CNTN4: variants seen among roughly 807,000 people sequenced by gnomAD.
CNTN4 encodes contactin 4, also known as contactin-4.
A neutral mutation model predicts 122.5 loss-of-function variants in CNTN4; 77 were observed. The observed-to-expected ratio is 0.63, with a 90% CI of 0.52 to 0.76. The LOEUF (loss-of-function observed/expected upper bound fraction) is 0.76, where lower values mean the gene tolerates loss of function less well. CNTN4 is among the 30% of genes least tolerant of loss of function. The probability of loss-of-function intolerance (pLI) is 0.00; values close to 1 mark genes in which losing one functional copy is unlikely to be tolerated. For synonymous variants in CNTN4, 512 were observed against 447.0 expected (o/e 1.15, Z -1.83); for missense variants, 1,256 against 1,259.1 (o/e 1.00, Z 0.04).
intron 2 of CNTN4, among the ~76,000 whole-genome samples, chr3:2,184,303 G>T (rs2037151068): frequency 1.3e-5 from 2 of 152,082 alleles, no homozygotes; most frequent in African/African-American, 4.8e-5. Flanking sequence ...TTCATTAAAA[G>T]GAACTTCCCT....
At chr3:2,357,700 C>A (rs1390171462) in intron 3 of CNTN4, among the ~76,000 whole-genome samples, 1 of 152,162 alleles carries the variant, frequency 6.6e-6, no homozygotes, top group South Asian at 2.1e-4. Flanking sequence ...TATTAAGGAC[C>A]TTTCCAGTGA....
At chr3:2,932,417 A>T (rs1463244278) in intron 13 of CNTN4, among the ~76,000 whole-genome samples, 1 of 152,044 alleles carries the variant, frequency 6.6e-6, no homozygotes, top group African/African-American at 2.4e-5. Context: ...ACAAATTGAG[A>T]TTCTTATAGT....
At chr3:2,426,118 G>A (rs1014590379) in intron 3 of CNTN4, among the ~76,000 whole-genome samples, 5 of 152,146 alleles carry the variant, frequency 3.3e-5, no homozygotes, top group South Asian at 4.1e-4. Context: ...AATAGGAGTG[G>A]TGAGAGAGGG....
At chr3:2,922,541 A>C (rs1405536318) in intron 12 of CNTN4, among the ~76,000 whole-genome samples, 1 of 152,022 alleles carries the variant, frequency 6.6e-6, no homozygotes. Context: ...ACAACTGATA[A>C]ATTTGCAGGG....
chr3:2,479,726 G>A (rs556956226), intron 3 of CNTN4, among the ~76,000 whole-genome samples: 9 of 152,236 alleles, frequency 5.9e-5, no homozygotes, highest in East Asian at 3.9e-4. Context: ...TCTTGCTTCC[G>A]CTGTTCTTCA....
At chr3:3,049,644 A>T (rs1701049424) in intron 23 of CNTN4, among the ~76,000 whole-genome samples, 1 of 152,162 alleles carries the variant, frequency 6.6e-6, no homozygotes, top group African/African-American at 2.4e-5. Context: ...GAATAGAGAA[A>T]GCCATGGAGT....
chr3:2,526,500 A>C (rs1483533023), intron 3 of CNTN4, among the ~76,000 whole-genome samples: 3 of 152,156 alleles, frequency 2.0e-5, no homozygotes, highest in Non-Finnish European at 4.4e-5. Context: ...TAGTTGTATA[A>C]AAGCAAAAAA....
intron 9 of CNTN4, among the ~76,000 whole-genome samples, 181 bp from the exon 10 acceptor site, chr3:2,886,859 C>A (rs1215001928): frequency 6.6e-6 from 1 of 152,076 alleles, no homozygotes; most frequent in African/African-American, 2.4e-5. Flanking sequence ...ATTTTAAGAA[C>A]ACTAAATAAG....
intron 8 of CNTN4, among the ~76,000 whole-genome samples, chr3:2,882,229 G>A (rs1035211025): frequency 2.6e-5 from 4 of 152,140 alleles, no homozygotes; most frequent in African/African-American, 4.8e-5. Flanking sequence ...GCTGGGCATG[G>A]TGGTGCACAA....
rs183091445 is a variant in CNTN4, at chr3:2,132,074, G to A, written c.-145+31435G>A. Among the ~76,000 whole-genome samples the A allele has an allele frequency of 2.1e-4, 32 of 152,260 alleles. No homozygotes were observed. The East Asian group carries it at 4.6e-3, about 22-fold the overall frequency. On this transcript the variant is annotated intron_variant, in intron 2 of 24. Transcript: ENST00000418658. ...GCCAAGTCATAAGGAGCCTTGCAGT[G>A]TCCACCTTATTTTCTTGGCATCTTC...
chr3:2,535,781 T>G (rs76171809), intron 3 of CNTN4, among the ~76,000 whole-genome samples: 5,633 of 152,286 alleles, frequency 0.037, 169 homozygotes, highest in African/African-American at 0.08. Flanking sequence ...AGAAAACCTT[T>G]TTTTGTCCAT....
At chr3:3,020,968 T>C (rs924547284) in intron 14 of CNTN4, among the ~76,000 whole-genome samples, 2 of 152,172 alleles carry the variant, frequency 1.3e-5, no homozygotes, top group African/African-American at 4.8e-5. Flanking sequence ...GATTATTACC[T>C]CCCTAAATTG....
chr3:3,048,294 C>T (rs191414430), intron 23 of CNTN4, among the ~76,000 whole-genome samples: 1 of 152,006 alleles, frequency 6.6e-6, no homozygotes, highest in Non-Finnish European at 1.5e-5. Context: ...TACAGTATAA[C>T]AACTATTTAC....
At chr3:2,273,746 A>G (rs1271250425) in intron 2 of CNTN4, among the ~76,000 whole-genome samples, 1 of 152,182 alleles carries the variant, frequency 6.6e-6, no homozygotes, top group African/African-American at 2.4e-5. Flanking sequence ...CAAAAACAAA[A>G]ACCTGGGCTT....
intron 2 of CNTN4, among the ~76,000 whole-genome samples, chr3:2,184,715 C>T (rs1418404108): frequency 6.6e-6 from 1 of 152,132 alleles, no homozygotes; most frequent in South Asian, 2.1e-4. Context: ...ACCTCATCCC[C>T]TCTGGAGGAT....
At chr3:2,254,005 C>T (rs989437218) in intron 2 of CNTN4, among the ~76,000 whole-genome samples, 1 of 152,094 alleles carries the variant, frequency 6.6e-6, no homozygotes, top group Non-Finnish European at 1.5e-5. Context: ...CCATAATCTA[C>T]ATTGGGTATT....
At chr3:2,193,164 A>G (rs1040473697) in intron 2 of CNTN4, among the ~76,000 whole-genome samples, 1 of 152,216 alleles carries the variant, frequency 6.6e-6, no homozygotes. Context: ...GAGAAAACTT[A>G]GACTTCAAGC....
chr3:2,535,414 T>A (rs1470792670), intron 3 of CNTN4, among the ~76,000 whole-genome samples: 4 of 152,184 alleles, frequency 2.6e-5, no homozygotes, highest in Non-Finnish European at 5.9e-5. Flanking sequence ...ATAGGCTTCT[T>A]CTGTGTTTTT....
intron 10 of CNTN4, among the ~76,000 whole-genome samples, chr3:2,894,512 C>A (rs1279895083): frequency 2.0e-5 from 3 of 152,078 alleles, no homozygotes; most frequent in African/African-American, 7.2e-5. Flanking sequence ...GTCTACTTAA[C>A]CTGAATATTA....
Sources: allele counts gnomAD v4.1 joint callset (sites outside exome capture counted in the v4.1 genomes callset), GRCh38; gene constraint gnomAD v4.1.1; transcripts MANE v1.5; gene names NCBI Gene and HGNC (gene_info 2026-07-23, HGNC 2026-07-21).